Variants in ITIH3 observed in about 807,000 individuals in gnomAD.
The protein encoded by ITIH3 is inter-alpha-trypsin inhibitor heavy chain 3.
Under a neutral mutation model 96.5 loss-of-function variants are expected in ITIH3, and 81 were observed. The observed-to-expected ratio is 0.84, with a 90% CI of 0.70 to 1.01. The LOEUF (loss-of-function observed/expected upper bound fraction) is 1.01. Ranked by LOEUF, ITIH3 falls within the 50% of genes least tolerant of loss-of-function variation. ITIH3 has a pLI of 0.00. For missense variants in ITIH3, 1,057 were observed against 1,139.3 expected (o/e 0.93, Z 1.04); for synonymous variants, 422 against 445.2 (o/e 0.95, Z 0.66).
chr3:52,803,315 T>TG (rs1699913684), intron 13 of ITIH3, among the ~76,000 whole-genome samples: 1 of 114,946 alleles, frequency 8.7e-6, no homozygotes, highest in African/African-American at 6.3e-5. Context: ...TATTTTATTT[T>TG]ATTATTATTA....
chr3:52,807,221 A>C, intron 19 of ITIH3, 116 bp downstream of exon 19: 12 of 906,982 alleles, frequency 1.3e-5, no homozygotes, highest in Non-Finnish European at 2.0e-5. Flanking sequence ...AGGAAAGATC[A>C]GAGACCCCAG....
chr3:52,797,179 T>C lies in ITIH3; in HGVS notation c.461T>C (p.Leu154Pro). 1 of 1,609,350 alleles carries C rather than the reference T, an allele frequency of 6.2e-7. No individual in the cohort carries two copies. The highest frequency in any genetic ancestry group is 8.5e-7 in the Non-Finnish European group (1 of 1,178,030). The change falls in exon 5 of 22, where the codon CTA becomes CCA. Residue 154 changes from leucine to proline, a missense_variant. Coordinates refer to ENST00000449956, the MANE Select transcript of ITIH3 (RefSeq NM_002217.4). Reference sequence around the variant, plus strand: ...GCAGGCAGCAAAGTCACCTTCGAGCTAACCTACGAGGAGCTGCTGAAGAGG... The same window carrying C: ...GCAGGCAGCAAAGTCACCTTCGAGCCAACCTACGAGGAGCTGCTGAAGAGG... ...VAAGSKVTFE[L>P]TYEELLKRHK...
rs369942309 is a variant in ITIH3, at chr3:52,801,020, G to T, written c.1257G>T (p.Lys419Asn). Residue 419 changes from lysine (K) to asparagine (N), a missense_variant, in exon 11 of 22, where the codon AAG becomes AAT. Lys to Asn is a moderately conservative substitution (Grantham distance 94). Transcript: ENST00000449956. ...QENVRNAIGG[K>N]FPLYNLGFGN... Reference sequence around the variant, plus strand: ...ATGTGCGGAATGCCATCGGGGGCAAGTTCCCCTTGTATAACCTGGGCTTTG... The same window carrying T: ...ATGTGCGGAATGCCATCGGGGGCAATTTCCCCTTGTATAACCTGGGCTTTG... 2 of 1,614,086 alleles carry T rather than the reference G, an allele frequency of 1.2e-6. No individual in the cohort carries two copies. The highest frequency in any genetic ancestry group is 1.7e-5 in the Admixed American group (1 of 60,036).
Position 52,807,912 on chromosome 3 carries a change from G to A in ITIH3, c.2427G>A (p.Leu809=), listed in dbSNP as rs772182153. The change falls in exon 20 of 22, where the codon CTG becomes CTA. Residue 809 remains leucine, a synonymous_variant. Coordinates refer to ENST00000449956, the MANE Select transcript of ITIH3 (RefSeq NM_002217.4). ...SHRMSAQTHG[L]LGQFFQPFDF... ...GGATGTCAGCACAGACGCATGGGCT[G>A]CTGGGTACGAAGTGTTCAGACTGCA... 1.1e-5 allele frequency: 17 copies of A among 1,612,406 alleles called. No individual in the cohort carries two copies. Among genetic ancestry groups the A allele is most frequent in the East Asian group, 2.2e-5 (1 of 44,870 alleles).
intron 19 of ITIH3, 26 bp from the exon 20 acceptor site, chr3:52,807,721 A>G: frequency 6.3e-7 from 1 of 1,594,226 alleles, no homozygotes; most frequent in Non-Finnish European, 8.5e-7. Context: ...TGGGCCCCAC[A>G]GCCACTTTCT....
chr3:52,804,705 C>T (rs1242724654), intron 14 of ITIH3, 21 bp from the exon 15 acceptor site: 2 of 1,578,750 alleles, frequency 1.3e-6, no homozygotes, highest in African/African-American at 2.7e-5. Context: ...TTCTCTTCTT[C>T]CTCCCTTGCT....
intron 11 of ITIH3, among the ~76,000 whole-genome samples, chr3:52,801,563 G>A (rs993570262): frequency 2.6e-5 from 4 of 152,112 alleles, no homozygotes; most frequent in African/African-American, 9.7e-5. Flanking sequence ...GGTTCCTTCT[G>A]AGGGCTATGA....
rs147111922 is a variant in ITIH3 at position 52,807,742 on chromosome 3, C to T, written c.2262-5C>T. The T allele has an allele frequency of 8.2e-3, 13,247 of 1,606,914 alleles. 1,375 individuals carry two copies. The Admixed American group carries it at 0.2, about 24-fold the overall frequency. ...CCACAGCCACTTTCTGGCTTCCTCT[C>T]GTAGGCTGTCCATGATGATCAACAG... On this transcript the variant is annotated splice_region_variant and splice_polypyrimidine_tract_variant and intron_variant, in intron 19 of 21. Transcript: ENST00000449956.
In ITIH3 at chr3:52,796,638, A is replaced by G; in HGVS notation, c.272A>G (p.Asn91Ser). 2 of 1,612,216 alleles carry G rather than the reference A, an allele frequency of 1.2e-6. No homozygotes were observed. The highest frequency in any genetic ancestry group is 1.1e-5 in the South Asian group (1 of 90,812). The change falls in exon 3 of 22, where the codon AAC becomes AGC. Residue 91 changes from asparagine (N) to serine (S), a missense_variant. Transcript: ENST00000449956. The part of the protein sequence containing the change: ...VELPKTAFIT[N>S]FTLTIDGVTY... The stretch of plus-strand genomic sequence containing the variant: ...CTGCCCAAGACGGCCTTCATCACCA[A>G]CTTCACCTTGTGGGTACCACCATGG...
chr3:52,796,725 C>T lies in ITIH3; in HGVS notation c.282-14C>T. ...CAGTGTGATCTCCCTACCCCCAACT[C>T]TCTTTCCCTGCAGGACCATCGACGG... On this transcript the variant is annotated splice_polypyrimidine_tract_variant and intron_variant, in intron 3 of 21. Coordinates refer to ENST00000449956, the MANE Select transcript of ITIH3 (RefSeq NM_002217.4). The T allele has an allele frequency of 6.2e-7, 1 of 1,609,054 alleles. No individual in the cohort carries two copies. Among genetic ancestry groups the T allele is most frequent in the South Asian group, 1.1e-5 (1 of 89,958 alleles).
chr3:52,806,085 C>T lies in ITIH3; in HGVS notation c.1907-18C>T. 6.3e-7 allele frequency: 1 copy of T among 1,594,818 alleles called. No homozygotes were observed. Among genetic ancestry groups the T allele is most frequent in the South Asian group, 1.1e-5 (1 of 87,864 alleles). On this transcript the variant is annotated intron_variant, in intron 16 of 21. Transcript: ENST00000449956. Reference sequence around the variant, plus strand: ...GGCCACTTGCTTAGCTCAGCCCTCTCTCCCTTTGTATCTGCAGCCAGCTAC... The same window carrying T: ...GGCCACTTGCTTAGCTCAGCCCTCTTTCCCTTTGTATCTGCAGCCAGCTAC...
At chr3:52,803,716 C>A in intron 13 of ITIH3, 139 bp from the exon 14 acceptor site, 2 of 894,430 alleles carry the variant, frequency 2.2e-6, no homozygotes, top group Non-Finnish European at 1.7e-6. Flanking sequence ...TCTCTGAGCC[C>A]AACTGGGCTG....
chr3:52,795,457 G>C, intron 1 of ITIH3, 146 bp from the exon 2 acceptor site: 1 of 749,572 alleles, frequency 1.3e-6, no homozygotes, highest in Non-Finnish European at 2.2e-6. Flanking sequence ...TGGCTCTGGA[G>C]GGTCCTATGT....
rs1221226763 is a variant in ITIH3 at position 52,803,964 on chromosome 3, G to A, written c.1819G>A (p.Glu607Lys). The A allele has an allele frequency of 6.2e-7, 1 of 1,613,804 alleles. No individual in the cohort carries two copies. Among genetic ancestry groups the A allele is most frequent in the Non-Finnish European group, 8.5e-7 (1 of 1,179,828 alleles). The change falls in exon 14 of 22, where the codon GAG becomes AAG. Residue 607 changes from glutamate (E) to lysine (K), a missense_variant. Physicochemically the swap from Glu to Lys is moderately conservative, Grantham distance 56. Coordinates refer to ENST00000449956, the MANE Select transcript of ITIH3 (RefSeq NM_002217.4). ...PLTSMVVTKPEDNEDERAIAD... is the reference protein window; with the variant it reads ...PLTSMVVTKPKDNEDERAIAD... ...GACCTCAATGGTGGTGACCAAGCCT[G>A]AGGACAACGAGGATGAGAGGGCCAT...
chr3:52,799,555 AC>A, intron 8 of ITIH3, 67 bp downstream of exon 8: 4 of 1,224,112 alleles, frequency 3.3e-6, no homozygotes, highest in Non-Finnish European at 4.6e-6. Context: ...TTTTTTTTTA[AC>A]TGGAAAAAGC....
intron 13 of ITIH3, among the ~76,000 whole-genome samples, chr3:52,803,014 G>A (rs1699895362): frequency 1.3e-5 from 2 of 152,240 alleles, no homozygotes; most frequent in African/African-American, 4.8e-5. Flanking sequence ...CCAGCAGCCT[G>A]GGAGTGCCCC....
chr3:52,798,433 G>A lies in ITIH3; in HGVS notation c.663+503G>A, dbSNP rs752286634. The A allele has an allele frequency of 4.1e-5, 7 of 171,728 alleles. No individual in the cohort carries two copies. In the South Asian group the frequency reaches 6.3e-4, roughly 15 times the overall value. 10.6% of individuals were successfully genotyped at this position (171,728 alleles called of 1,614,324 possible). On this transcript the variant is annotated intron_variant, in intron 6 of 21. Coordinates refer to ENST00000449956, the MANE Select transcript of ITIH3 (RefSeq NM_002217.4). ...ATCCAGGACTTCCAGGGCGAGGCCC[G>A]AGGAGCACACACTCAGAGGACTGCT...
At chr3:52,799,585 A>G in intron 8 of ITIH3, 97 bp downstream of exon 8, 1 of 1,071,074 alleles carries the variant, frequency 9.3e-7, no homozygotes, top group Non-Finnish European at 1.3e-6. Context: ...GTGGTGAATG[A>G]GGAGAAAGGG....
intron 21 of ITIH3, 96 bp downstream of exon 21, chr3:52,808,317 T>G (rs535964921): frequency 1.7e-6 from 2 of 1,164,922 alleles, no homozygotes; most frequent in African/African-American, 1.5e-5. Flanking sequence ...GCTTTTGTCT[T>G]CTGTGGGGTA....
Sources: gnomAD v4.1 joint callset for allele counts (sites outside exome capture counted in the v4.1 genomes callset) on GRCh38, gnomAD v4.1.1 for gene constraint, MANE v1.5 for transcripts, NCBI Gene and HGNC (gene_info 2026-07-23, HGNC 2026-07-21) for gene names.